Variants in TGIF1 observed in about 807,000 individuals in gnomAD.
TGIF1 encodes homeobox protein TGIF1.
A neutral mutation model predicts 19.3 loss-of-function variants in TGIF1; 4 were observed. That is an observed-to-expected ratio of 0.21 (90% CI 0.10 to 0.47). The LOEUF is 0.47. Ranked by LOEUF, TGIF1 falls within the 20% of genes least tolerant of loss-of-function variation. The probability of loss-of-function intolerance (pLI) is 0.98; values close to 1 mark genes in which losing one functional copy is unlikely to be tolerated. For synonymous variants in TGIF1, 122 were observed against 129.3 expected, an observed-to-expected ratio of 0.94 and a Z score of 0.38; for missense variants, 275 against 341.4, an observed-to-expected ratio of 0.81 and a Z score of 1.53.
At chr18:3,423,945 C>T (rs999212274) in intron 2 of TGIF1, among the ~76,000 whole-genome samples, 7 of 152,162 alleles carry the variant, frequency 4.6e-5, no homozygotes, top group Admixed American at 4.6e-4. Flanking sequence ...AGAATTAAAG[C>T]AGCTATCTTA....
intron 2 of TGIF1, among the ~76,000 whole-genome samples, chr18:3,423,550 G>A (rs760618824): frequency 1.3e-5 from 2 of 151,990 alleles, no homozygotes; most frequent in African/African-American, 2.4e-5. Flanking sequence ...GCTTGGTGTC[G>A]GGCGCCTGTG....
intron 1 of TGIF1, among the ~76,000 whole-genome samples, chr18:3,450,769 C>T (rs2082888742): frequency 6.6e-6 from 1 of 152,196 alleles, no homozygotes; most frequent in Non-Finnish European, 1.5e-5. Context: ...CTTGTTTGTG[C>T]GCCTGCAAGT....
At position 3,450,325 on chromosome 18, in the gene TGIF1, C is replaced by G; in HGVS notation, c.-165C>G. 1.4e-6 allele frequency: 2 copies of G among 1,455,742 alleles called. No homozygotes were observed. Among genetic ancestry groups the G allele is most frequent in the Non-Finnish European group, 9.1e-7 (1 of 1,102,072 alleles). 90.2% of individuals were successfully genotyped at this position (1,455,742 alleles called of 1,614,324 possible). A position where few individuals can be genotyped will look rare whatever the true frequency, so the allele number is the denominator to read the frequency against. Reference sequence around the variant, plus strand: ...TGTCACTTGAATTCCACCCAAGGAGCGGGCGCCTGGGATCAGAGCGTCCTG... The same window carrying G: ...TGTCACTTGAATTCCACCCAAGGAGGGGGCGCCTGGGATCAGAGCGTCCTG... On this transcript the variant is annotated 5_prime_UTR_variant, in exon 1 of 3. Transcript: ENST00000343820.
intron 2 of TGIF1, among the ~76,000 whole-genome samples, chr18:3,422,190 T>TA (rs33992043): frequency 0.6 from 71,840 of 120,642 alleles, 23,337 homozygotes; most frequent in Non-Finnish European, 0.72. Context: ...TGAGACACCG[T>TA]AAAAAAAAAA....
intron 2 of TGIF1, among the ~76,000 whole-genome samples, chr18:3,423,923 T>G (rs2082438342): frequency 6.6e-6 from 1 of 151,984 alleles, no homozygotes; most frequent in Admixed American, 6.6e-5. Flanking sequence ...GCCTAAATGT[T>G]GAGAGGTAGA....
In TGIF1 at chr18:3,456,488, C is replaced by T. The variant is rs190612205; in HGVS notation, c.151C>T (p.Arg51Trp). The T allele has an allele frequency of 3.7e-6, 6 of 1,614,214 alleles. No homozygotes were observed. The highest frequency in any genetic ancestry group is 1.7e-5 in the Admixed American group (1 of 60,028). ...ACCCAAGGAGTCTGTGCAGATTCTT[C>T]GGGATTGGCTGTATGAGCACCGTTA... is the stretch of plus-strand genomic sequence containing the variant. Reference protein sequence around the residue: ...NLPKESVQILRDWLYEHRYNA... With the variant: ...NLPKESVQILWDWLYEHRYNA... Residue 51 changes from arginine to tryptophan, a missense_variant, in exon 2 of 3, where the codon CGG (arginine) becomes TGG (tryptophan). By Grantham distance (101) the Arg-to-Trp change is moderately radical (BLOSUM62 -3). Coordinates refer to ENST00000343820, the MANE Select transcript of TGIF1 (RefSeq NM_003244.4). The surrounding 1 kb of genome is among the most constrained non-coding windows in gnomAD (Gnocchi z 4.2).
upstream of TGIF1, chr18:3,447,664 A>T: frequency 6.4e-7 from 1 of 1,567,322 alleles, no homozygotes; most frequent in Non-Finnish European, 8.8e-7. Flanking sequence ...GTTGGGCTGT[A>T]AGCTTTCGCT....
intron 2 of TGIF1, among the ~76,000 whole-genome samples, chr18:3,440,352 CAAA>C (rs141541364): frequency 1.7e-5 from 2 of 120,974 alleles, no homozygotes. Flanking sequence ...ACTCTTTCTC[CAAA>C]AAAAAAAAAA....
intron 1 of TGIF1, among the ~76,000 whole-genome samples, chr18:3,416,595 T>C (rs2082334764): frequency 6.6e-6 from 1 of 151,922 alleles, no homozygotes; most frequent in South Asian, 2.1e-4. Flanking sequence ...GTCTGGGGTG[T>C]GTTTAGTTTA....
At chr18:3,449,860 C>T (rs2143295914), upstream of TGIF1, 14 of 985,342 alleles carry the variant, frequency 1.4e-5, no homozygotes, top group East Asian at 1.1e-4. Flanking sequence ...CCAAACGCAC[C>T]CTCGCCAGCC....
intron 1 of TGIF1, 87 bp downstream of exon 1, chr18:3,450,592 G>T: frequency 6.5e-7 from 1 of 1,546,866 alleles, no homozygotes; most frequent in South Asian, 1.2e-5. Context: ...GTCACTTGGT[G>T]GACTTTTCCG....
rs369048137 is a variant in TGIF1 at position 3,457,698 on chromosome 18, G to A, written c.577G>A (p.Gly193Ser). ...CCCTTTCTCTCTCTGCCAGTCGGTCGGTGTGGGACAAAACACAGATATACA... is the reference window on the plus strand; with the variant it reads ...CCCTTTCTCTCTCTGCCAGTCGGTCAGTGTGGGACAAAACACAGATATACA... ...DVPFSLCQSV[G>S]VGQNTDIQQI... The change falls in exon 3 of 3, where the codon GGT becomes AGT. Residue 193 changes from glycine (G) to serine (S), a missense_variant. By Grantham distance (56) the Gly-to-Ser change is moderately conservative. Coordinates refer to ENST00000343820, the MANE Select transcript of TGIF1 (RefSeq NM_003244.4). This position sits in a 1 kb window ranked among gnomAD's most constrained non-coding sequence, Gnocchi z 4.9. 36 of 1,614,034 alleles carry A rather than the reference G, an allele frequency of 2.2e-5. No individual in the cohort carries two copies. Among genetic ancestry groups the A allele is most frequent in the African/African-American group, 4.0e-5 (3 of 74,916 alleles).
Position 3,451,910 on chromosome 18 carries a change from G to A in TGIF1, c.16+1405G>A. The A allele has an allele frequency of 6.6e-7, 1 of 1,526,386 alleles. No homozygotes were observed. The highest frequency in any genetic ancestry group is 8.8e-7 in the Non-Finnish European group (1 of 1,137,838). The allele number at this position is 1,526,386 out of a possible 1,614,324, so 94.6% of individuals were successfully genotyped here. Reference sequence around the variant, plus strand: ...GTGCCGACCCTTGGGAGGACTGACAGGTCTAGAGACACGCGCTGTCTGTTG... The same window carrying A: ...GTGCCGACCCTTGGGAGGACTGACAAGTCTAGAGACACGCGCTGTCTGTTG... On this transcript the variant is annotated intron_variant, in intron 1 of 2. Coordinates refer to ENST00000343820, the MANE Select transcript of TGIF1 (RefSeq NM_003244.4). This position sits in a 1 kb window ranked among gnomAD's most constrained non-coding sequence, Gnocchi z 5.4.
At chr18:3,418,913 A>C (rs375154774) in intron 2 of TGIF1, 2 of 152,088 alleles carry the variant, frequency 1.3e-5, no homozygotes, top group Non-Finnish European at 2.9e-5. Context: ...CAACAATTAG[A>C]TGGGCGTGAT....
chr18:3,451,541 GA>G lies in TGIF1; in HGVS notation c.16+1037del, dbSNP rs150513143. 90,594 of 1,008,350 alleles carry G rather than the reference GA, an allele frequency of 0.09. 4,204 individuals are homozygous for G. The highest frequency in any genetic ancestry group is 0.094 in the Non-Finnish European group (79,382 of 845,822). 62.5% of individuals were successfully genotyped at this position (1,008,350 alleles called of 1,614,324 possible). ...AGTTAATCACTCGGGAAGCGGACGG[GA>G]GGGGCGGCGCTACTGCGCATGCCCG... On this transcript the variant is annotated intron_variant, in intron 1 of 2. Transcript: ENST00000343820. This position sits in a 1 kb window ranked among gnomAD's most constrained non-coding sequence, Gnocchi z 5.4.
At chr18:3,439,204 G>T (rs1598877967) in intron 2 of TGIF1, among the ~76,000 whole-genome samples, 1 of 151,936 alleles carries the variant, frequency 6.6e-6, no homozygotes, top group African/African-American at 2.4e-5. Flanking sequence ...GCTGGGTGAT[G>T]GTTCTTTGGG....
In TGIF1 at chr18:3,457,959, A is replaced by T. The variant is rs145621092; in HGVS notation, c.*19A>T. On this transcript the variant is annotated 3_prime_UTR_variant, in exon 3 of 3. Transcript: ENST00000343820. This position sits in a 1 kb window ranked among gnomAD's most constrained non-coding sequence, Gnocchi z 4.9. ...AGCTTAACCCATTTTCAAGCAAAAC[A>T]GTTCTCAGAAATGTCATGATTGCCG... 3.1e-6 allele frequency: 5 copies of T among 1,596,582 alleles called. No homozygotes were observed. The highest frequency in any genetic ancestry group is 2.5e-6 in the Non-Finnish European group (3 of 1,177,028).
At chr18:3,447,226 T>C (rs890319483), upstream of TGIF1, among the ~76,000 whole-genome samples, 22 of 152,164 alleles carry the variant, frequency 1.4e-4, 1 homozygote, top group African/African-American at 4.8e-4. Flanking sequence ...CGTTTATCAG[T>C]AGCCTCCGCC....
At chr18:3,442,594 A>C (rs954374679) in intron 2 of TGIF1, among the ~76,000 whole-genome samples, 1 of 152,170 alleles carries the variant, frequency 6.6e-6, no homozygotes, top group African/African-American at 2.4e-5. Flanking sequence ...AGTTGGCAAA[A>C]GTTATGAACA....
Sources: gnomAD v4.1 joint callset for allele counts (sites outside exome capture counted in the v4.1 genomes callset) on GRCh38, gnomAD v4.1.1 for gene constraint, Gnocchi (gnomAD v3.1) non-coding constraint, MANE v1.5 for transcripts, NCBI Gene and HGNC (gene_info 2026-07-23, HGNC 2026-07-21) for gene names.